The following SLC10A7 variants were observed in gnomAD, a reference collection of about 807,000 sequenced individuals.
The protein encoded by SLC10A7 is solute carrier family 10 member 7.
Under a neutral mutation model 43.2 loss-of-function variants are expected in SLC10A7, and 29 were observed. The observed-to-expected ratio is 0.67, with a 90% CI of 0.50 to 0.92. The LOEUF is 0.92. SLC10A7 is among the 40% of genes least tolerant of loss of function. SLC10A7 has a pLI of 0.00. For missense variants in SLC10A7, 295 were observed against 403.2 expected, an observed-to-expected ratio of 0.73 and a Z score of 2.30; for synonymous variants, 152 against 144.8, an observed-to-expected ratio of 1.05 and a Z score of -0.35.
At chr4:146,441,311 G>T (rs1730581890) in intron 5 of SLC10A7, among the ~76,000 whole-genome samples, 1 of 152,076 alleles carries the variant, frequency 6.6e-6, no homozygotes, top group Non-Finnish European at 1.5e-5. Flanking sequence ...AAGTGGGACT[G>T]GTAGAAAAAA....
In SLC10A7 at chr4:146,503,521, G is replaced by T. The variant is rs1331778751; in HGVS notation, c.396+328C>A. On this transcript the variant is annotated intron_variant, in intron 4 of 11. Coordinates refer to ENST00000335472, the MANE Select transcript of SLC10A7 (RefSeq NM_001029998.6). ...TTTGGAGATAAGGAATCGCCATACT[G>T]GATGCCCTCAGTCTGAGAATCTTGG... Among the ~76,000 whole-genome samples the T allele has an allele frequency of 2.0e-5, 3 of 152,266 alleles. No individual in the cohort carries two copies. The East Asian group carries it at 5.8e-4, about 29-fold the overall frequency.
intron 5 of SLC10A7, among the ~76,000 whole-genome samples, chr4:146,414,313 C>T (rs1412112439): frequency 2.6e-5 from 4 of 152,160 alleles, no homozygotes; most frequent in Admixed American, 6.5e-5. Context: ...CGAAAAGACA[C>T]CAAGTAGGCA....
At chr4:146,344,836 A>G (rs892589309) in intron 5 of SLC10A7, among the ~76,000 whole-genome samples, 4 of 152,158 alleles carry the variant, frequency 2.6e-5, no homozygotes, top group Admixed American at 1.3e-4. Flanking sequence ...GTGCAAATTT[A>G]CATATGATGA....
At chr4:146,309,319 A>G (rs774322083) in intron 6 of SLC10A7, among the ~76,000 whole-genome samples, 2 of 152,160 alleles carry the variant, frequency 1.3e-5, no homozygotes, top group Non-Finnish European at 2.9e-5. Context: ...ATTCACATTT[A>G]CAGTCCCATT....
chr4:146,411,508 A>G (rs1025795381), intron 5 of SLC10A7, among the ~76,000 whole-genome samples: 5 of 152,164 alleles, frequency 3.3e-5, no homozygotes, highest in African/African-American at 1.2e-4. Flanking sequence ...TACAATTAAT[A>G]CTAATGTTTG....
At position 146,305,678 on chromosome 4, in the gene SLC10A7, CTG is replaced by C. The variant is rs1157834035; in HGVS notation, c.555+246_555+247del. Reference sequence around the variant, plus strand: ...AATAAATTAAACAAAAATCAAGACTCTGTGTAGAAGTCCCTATATATATAGCT... The same window carrying C: ...AATAAATTAAACAAAAATCAAGACTCTGTAGAAGTCCCTATATATATAGCT... On this transcript the variant is annotated intron_variant, in intron 7 of 11. Coordinates refer to ENST00000335472, the MANE Select transcript of SLC10A7 (RefSeq NM_001029998.6). Among the ~76,000 whole-genome samples the C allele has an allele frequency of 2.6e-5, 4 of 152,046 alleles. No individual in the cohort carries two copies. The East Asian group carries it at 7.7e-4, about 29-fold the overall frequency.
chr4:146,511,290 T>C (rs898610623), intron 2 of SLC10A7, among the ~76,000 whole-genome samples: 3 of 152,220 alleles, frequency 2.0e-5, no homozygotes, highest in African/African-American at 7.2e-5. Flanking sequence ...TGAGTTTATA[T>C]TGTGTTGAAA....
At chr4:146,341,652 T>C (rs1734270832) in intron 5 of SLC10A7, among the ~76,000 whole-genome samples, 1 of 151,846 alleles carries the variant, frequency 6.6e-6, no homozygotes, top group African/African-American at 2.4e-5. Context: ...ATGTGCCAGA[T>C]ACAATTCCAG....
intron 5 of SLC10A7, among the ~76,000 whole-genome samples, chr4:146,430,578 A>G (rs1033219475): frequency 6.6e-6 from 1 of 152,178 alleles, no homozygotes; most frequent in African/African-American, 2.4e-5. Flanking sequence ...CTGTACACCA[A>G]CTACTGTTAT....
chr4:146,519,859 T>C (rs2150066209), intron 1 of SLC10A7, among the ~76,000 whole-genome samples: 1 of 152,298 alleles, frequency 6.6e-6, no homozygotes, highest in South Asian at 2.1e-4. Context: ...TAACATTCTA[T>C]TATAATTAAA....
chr4:146,418,670 A>G (rs1728745664), intron 5 of SLC10A7, among the ~76,000 whole-genome samples: 1 of 152,166 alleles, frequency 6.6e-6, no homozygotes, highest in South Asian at 2.1e-4. Context: ...TCGATACAAC[A>G]CTTCTGACAC....
At chr4:146,306,066 T>G (rs1314017743) in intron 6 of SLC10A7, 57 bp from the exon 7 acceptor site, 24 of 1,357,306 alleles carry the variant, frequency 1.8e-5, no homozygotes, top group Non-Finnish European at 2.4e-5. Flanking sequence ...CAAGCATTAG[T>G]GTTTATAAAT....
intron 4 of SLC10A7, among the ~76,000 whole-genome samples, chr4:146,494,525 C>A (rs1478546659): frequency 6.6e-6 from 1 of 152,052 alleles, no homozygotes; most frequent in Non-Finnish European, 1.5e-5. Flanking sequence ...TAGATCAGAT[C>A]TCTGGAAGAC....
At chr4:146,405,929 C>A (rs1727648447) in intron 5 of SLC10A7, among the ~76,000 whole-genome samples, 1 of 151,848 alleles carries the variant, frequency 6.6e-6, no homozygotes, top group Non-Finnish European at 1.5e-5. Flanking sequence ...TTTGTGGATC[C>A]AAGACTAGCA....
intron 5 of SLC10A7, among the ~76,000 whole-genome samples, chr4:146,370,661 TC>T (rs1359302066): frequency 2.0e-5 from 3 of 152,052 alleles, no homozygotes; most frequent in Non-Finnish European, 4.4e-5. Context: ...TTTTTAATCT[TC>T]CCCCACAGCG....
intron 5 of SLC10A7, among the ~76,000 whole-genome samples, chr4:146,436,198 C>A (rs889354128): frequency 6.6e-6 from 1 of 152,068 alleles, no homozygotes; most frequent in African/African-American, 2.4e-5. Flanking sequence ...TTACTTGCTA[C>A]ACAAGTCCTG....
chr4:146,442,548 C>T (rs1045052138), intron 5 of SLC10A7: 1 of 1,352,500 alleles, frequency 7.4e-7, no homozygotes, highest in African/African-American at 1.5e-5. Context: ...TTAATTGATT[C>T]CTTGAATTCA....
chr4:146,488,272 G>A (rs1735086788), intron 4 of SLC10A7, among the ~76,000 whole-genome samples: 1 of 152,036 alleles, frequency 6.6e-6, no homozygotes, highest in Non-Finnish European at 1.5e-5. Flanking sequence ...TATAATAGGA[G>A]ATGACCTGAA....
intron 4 of SLC10A7, among the ~76,000 whole-genome samples, chr4:146,468,462 C>T (rs542946426): frequency 2.1e-4 from 29 of 139,260 alleles, no homozygotes; most frequent in African/African-American, 7.6e-4. Flanking sequence ...TTTATTCTAA[C>T]TTATATTTTA....
Sources: gnomAD v4.1 joint callset for allele counts (sites outside exome capture counted in the v4.1 genomes callset) on GRCh38, gnomAD v4.1.1 for gene constraint, MANE v1.5 for transcripts, NCBI Gene and HGNC (gene_info 2026-07-23, HGNC 2026-07-21) for gene names.